The following AASDHPPT variants were observed in gnomAD, a reference collection of about 807,000 sequenced individuals.
AASDHPPT encodes L-aminoadipate-semialdehyde dehydrogenase-phosphopantetheinyl transferase.
In AASDHPPT, 23 loss-of-function variants were observed where a neutral mutation model predicts 36.4. The observed-to-expected ratio is 0.63, with a 90% CI of 0.45 to 0.89. The LOEUF is 0.89. Ranked by LOEUF, AASDHPPT falls within the 40% of genes least tolerant of loss-of-function variation. AASDHPPT has a pLI of 0.00. For missense variants in AASDHPPT, 377 were observed against 378.2 expected, an observed-to-expected ratio of 1.00 and a Z score of 0.03; for synonymous variants, 115 against 128.0, an observed-to-expected ratio of 0.90 and a Z score of 0.68.
In AASDHPPT at chr11:106,077,663, C is replaced by G; in HGVS notation, c.-48C>G. The G allele has an allele frequency of 6.3e-7, 1 of 1,586,640 alleles. No individual in the cohort carries two copies. The highest frequency in any genetic ancestry group is 8.6e-7 in the Non-Finnish European group (1 of 1,162,616). On this transcript the variant is annotated 5_prime_UTR_variant, in exon 1 of 6. Coordinates refer to ENST00000278618, the MANE Select transcript of AASDHPPT (RefSeq NM_015423.3). ...GAAGAAGGGGGTGGGGCCACGTTTG[C>G]GTCCGCGCCATCAGGCCCGAGATAG... is the stretch of plus-strand genomic sequence containing the variant.
chr11:106,078,455 T>C (rs1468522703), intron 1 of AASDHPPT, among the ~76,000 whole-genome samples: 8 of 152,200 alleles, frequency 5.3e-5, no homozygotes, highest in Non-Finnish European at 1.0e-4. Flanking sequence ...GTATTTTACG[T>C]AGATTTATTT....
chr11:106,088,406 A>C (rs757880261), intron 2 of AASDHPPT, among the ~76,000 whole-genome samples: 1 of 152,110 alleles, frequency 6.6e-6, no homozygotes, highest in African/African-American at 2.4e-5. Flanking sequence ...TTTGGACATT[A>C]ATCTGTTAAA....
In AASDHPPT at chr11:106,079,695, A is replaced by G. The variant is rs755337434; in HGVS notation, c.409+3A>G. 3.9e-5 allele frequency: 63 copies of G among 1,613,344 alleles called. No homozygotes were observed. Among genetic ancestry groups the G allele is most frequent in the Non-Finnish European group, 4.9e-5 (58 of 1,179,384 alleles). Reference sequence around the variant, plus strand: ...TATAATGAAGACTAGTTTTCCAGGTAACGTTGCATTTTTCTAGTATGGCAG... The same window carrying G: ...TATAATGAAGACTAGTTTTCCAGGTGACGTTGCATTTTTCTAGTATGGCAG... On this transcript the variant is annotated splice_donor_region_variant and intron_variant, in intron 2 of 5. Coordinates refer to ENST00000278618, the MANE Select transcript of AASDHPPT (RefSeq NM_015423.3).
At position 106,091,299 on chromosome 11, in the gene AASDHPPT, G is replaced by A. The variant is rs773314475; in HGVS notation, c.532-17G>A. ...TGTCCACCAAATTCTAAGAGAAAATGTCTTTCTGTATCTTAGGCACTTAAG... is the reference window on the plus strand; with the variant it reads ...TGTCCACCAAATTCTAAGAGAAAATATCTTTCTGTATCTTAGGCACTTAAG... On this transcript the variant is annotated splice_polypyrimidine_tract_variant and intron_variant, in intron 3 of 5. Coordinates refer to ENST00000278618, the MANE Select transcript of AASDHPPT (RefSeq NM_015423.3). The A allele has an allele frequency of 6.4e-7, 1 of 1,569,998 alleles. No homozygotes were observed. The highest frequency in any genetic ancestry group is 8.6e-7 in the Non-Finnish European group (1 of 1,166,352).
At chr11:106,088,884 A>G (rs1056384265) in intron 2 of AASDHPPT, among the ~76,000 whole-genome samples, 5 of 152,092 alleles carry the variant, frequency 3.3e-5, no homozygotes, top group Non-Finnish European at 7.4e-5. Context: ...CAGCAACAGG[A>G]TCGGCAGAAA....
intron 4 of AASDHPPT, chr11:106,092,045 C>T (rs1215953116): frequency 6.6e-6 from 1 of 152,210 alleles, no homozygotes; most frequent in African/African-American, 2.4e-5. Flanking sequence ...ATTTTGGCTT[C>T]AGTTTTCTCC....
intron 4 of AASDHPPT, 57 bp from the exon 5 acceptor site, chr11:106,094,526 G>A (rs1861293503): frequency 4.6e-6 from 6 of 1,293,572 alleles, no homozygotes; most frequent in Admixed American, 2.2e-5. Flanking sequence ...TGTAAACAAA[G>A]TTACATCTAG....
At chr11:106,096,568 G>A (rs1014657933) in intron 5 of AASDHPPT, 175 bp from the exon 6 acceptor site, 2 of 433,024 alleles carry the variant, frequency 4.6e-6, no homozygotes. Context: ...ATTTTTTTTT[G>A]ATTTGTTGTA....
intron 2 of AASDHPPT, among the ~76,000 whole-genome samples, chr11:106,083,173 C>T (rs980975152): frequency 6.6e-6 from 1 of 152,096 alleles, no homozygotes; most frequent in Non-Finnish European, 1.5e-5. Flanking sequence ...TTCCCAGTTA[C>T]AGGTCGGTCT....
intron 2 of AASDHPPT, among the ~76,000 whole-genome samples, chr11:106,087,491 C>A (rs1392734893): frequency 6.6e-6 from 1 of 152,046 alleles, no homozygotes; most frequent in African/African-American, 2.4e-5. Flanking sequence ...CGTAGATGGG[C>A]ATTGCTTAAC....
chr11:106,081,380 G>A (rs1861139349), intron 2 of AASDHPPT, among the ~76,000 whole-genome samples: 1 of 152,098 alleles, frequency 6.6e-6, no homozygotes, highest in African/African-American at 2.4e-5. Flanking sequence ...CAGGAATTTT[G>A]TTTACCTCCT....
chr11:106,084,089 T>C (rs1317168673), intron 2 of AASDHPPT, among the ~76,000 whole-genome samples: 3 of 152,102 alleles, frequency 2.0e-5, no homozygotes, highest in Admixed American at 2.0e-4. Context: ...GTCAGTAAGC[T>C]ATTACCTTAA....
intron 2 of AASDHPPT, among the ~76,000 whole-genome samples, chr11:106,081,422 A>G (rs1360905696): frequency 6.6e-6 from 1 of 152,240 alleles, no homozygotes; most frequent in African/African-American, 2.4e-5. Flanking sequence ...TATGATATGC[A>G]CATGTGCATT....
At chr11:106,080,879 T>A (rs1861131503) in intron 2 of AASDHPPT, among the ~76,000 whole-genome samples, 1 of 152,224 alleles carries the variant, frequency 6.6e-6, no homozygotes, top group Non-Finnish European at 1.5e-5. Flanking sequence ...TTGTTAGATT[T>A]CACCTTAACC....
At position 106,098,225 on chromosome 11, in the gene AASDHPPT, A is replaced by G. The variant is rs1284024695; in HGVS notation, c.*1318A>G. The G allele has an allele frequency of 1.3e-5, 2 of 152,092 alleles. No individual in the cohort carries two copies. Among genetic ancestry groups the G allele is most frequent in the Non-Finnish European group, 2.9e-5 (2 of 67,968 alleles). The allele number at this position is 152,092 out of a possible 1,614,324, so 9.4% of individuals were successfully genotyped here. Reference sequence around the variant, plus strand: ...TTCTTTCATTACAAATAAGATTGTTATGTCAGTATTGTTATTGGCTTTTCG... The same window carrying G: ...TTCTTTCATTACAAATAAGATTGTTGTGTCAGTATTGTTATTGGCTTTTCG... On this transcript the variant is annotated 3_prime_UTR_variant, in exon 6 of 6. Transcript: ENST00000278618.
At chr11:106,091,797 C>G (rs1861259515) in intron 4 of AASDHPPT, 1 of 196,048 alleles carries the variant, frequency 5.1e-6, no homozygotes. Context: ...CCAGATCAGG[C>G]TGGTAGATCC....
At chr11:106,082,022 AAAAG>A (rs967171159) in intron 2 of AASDHPPT, among the ~76,000 whole-genome samples, 12 of 151,574 alleles carry the variant, frequency 7.9e-5, no homozygotes, top group African/African-American at 2.7e-4. Flanking sequence ...ATAATAATAA[AAAAG>A]AAAAATAAAT....
intron 4 of AASDHPPT, 127 bp from the exon 5 acceptor site, chr11:106,094,456 G>A (rs1591546094): frequency 2.2e-5 from 13 of 588,404 alleles, no homozygotes; most frequent in South Asian, 1.0e-4. Context: ...ATATATGCAC[G>A]CGTGTGAGTG....
chr11:106,079,712 G>T lies in AASDHPPT; in HGVS notation c.409+20G>T, dbSNP rs149604272. On this transcript the variant is annotated intron_variant, in intron 2 of 5. Transcript: ENST00000278618. The stretch of plus-strand genomic sequence containing the variant: ...TTCCAGGTAACGTTGCATTTTTCTA[G>T]TATGGCAGTTAAGTGTCTCGATGCC... 3.7e-6 allele frequency: 6 copies of T among 1,601,170 alleles called. No homozygotes were observed. Among genetic ancestry groups the T allele is most frequent in the Admixed American group, 1.7e-5 (1 of 59,958 alleles).
Sources: allele counts gnomAD v4.1 joint callset (sites outside exome capture counted in the v4.1 genomes callset), GRCh38; gene constraint gnomAD v4.1.1; transcripts MANE v1.5; gene names NCBI Gene and HGNC (gene_info 2026-07-23, HGNC 2026-07-21).